Variants in SND1 observed in about 807,000 individuals in gnomAD.
The protein encoded by SND1 is staphylococcal nuclease domain-containing protein 1.
In SND1, 38 loss-of-function variants were observed where a neutral mutation model predicts 121.7. That is an observed-to-expected ratio of 0.31 (90% CI 0.24 to 0.41). The LOEUF is 0.41. Among genes scored for constraint, SND1 ranks in the 10% least tolerant of loss-of-function variants. The pLI is 1.00. For missense variants in SND1, 868 were observed against 1,184.6 expected, an observed-to-expected ratio of 0.73 and a Z score of 3.92; for synonymous variants, 401 against 447.4, an observed-to-expected ratio of 0.90 and a Z score of 1.31.
At chr7:127,985,439 G>T (rs535179352) in intron 15 of SND1, among the ~76,000 whole-genome samples, 1 of 152,274 alleles carries the variant, frequency 6.6e-6, no homozygotes, top group East Asian at 1.9e-4. Flanking sequence ...TGTATTTTTA[G>T]TAGAGGCGGG....
At chr7:127,878,995 C>T (rs992879878) in intron 12 of SND1, among the ~76,000 whole-genome samples, 7 of 152,030 alleles carry the variant, frequency 4.6e-5, no homozygotes, top group Non-Finnish European at 1.0e-4. Flanking sequence ...GGAATTCAAC[C>T]AGTGAAGACT....
intron 12 of SND1, among the ~76,000 whole-genome samples, chr7:127,857,065 A>G (rs1229336336): frequency 2.0e-5 from 3 of 152,256 alleles, no homozygotes. Flanking sequence ...TCCAAAGAGA[A>G]GGAGAGAATT....
intron 18 of SND1, chr7:128,081,773 C>A: frequency 1.1e-5 from 7 of 623,642 alleles, no homozygotes; most frequent in South Asian, 8.6e-5. Context: ...GGTGAGATAA[C>A]CAGGTTTATC....
intron 1 of SND1, among the ~76,000 whole-genome samples, chr7:127,678,709 A>T (rs1311537799): frequency 6.6e-6 from 1 of 152,206 alleles, no homozygotes; most frequent in Non-Finnish European, 1.5e-5. Context: ...ATGACTTTTT[A>T]ATTTTCAAGA....
At chr7:127,889,863 T>A (rs1799978285) in intron 13 of SND1, among the ~76,000 whole-genome samples, 2 of 152,134 alleles carry the variant, frequency 1.3e-5, no homozygotes, top group South Asian at 4.1e-4. Flanking sequence ...TCTCATTCTT[T>A]TTTAATGGCT....
chr7:127,867,020 A>G (rs1045141422), intron 12 of SND1, among the ~76,000 whole-genome samples: 5 of 151,992 alleles, frequency 3.3e-5, no homozygotes, highest in Non-Finnish European at 5.9e-5. Flanking sequence ...TCTCTTTTTA[A>G]CTAGTGTTAT....
chr7:128,057,653 C>G (rs1222397938), intron 16 of SND1, among the ~76,000 whole-genome samples: 1 of 152,114 alleles, frequency 6.6e-6, no homozygotes, highest in African/African-American at 2.4e-5. Flanking sequence ...CCTAGAAGTC[C>G]CACCAAGAAA....
intron 9 of SND1, among the ~76,000 whole-genome samples, chr7:127,718,051 T>C (rs1214794055): frequency 6.6e-6 from 1 of 152,172 alleles, no homozygotes; most frequent in Non-Finnish European, 1.5e-5. Flanking sequence ...TTTCCTTTTA[T>C]GATTGGGCTT....
intron 16 of SND1, among the ~76,000 whole-genome samples, chr7:128,066,160 G>A (rs1793310147): frequency 6.6e-6 from 1 of 152,208 alleles, no homozygotes; most frequent in Non-Finnish European, 1.5e-5. Flanking sequence ...GCCTCAGGCA[G>A]GACCGAAGCT....
chr7:127,701,110 G>A lies in SND1; in HGVS notation c.429-53G>A, dbSNP rs553501367. The A allele has an allele frequency of 2.0e-4, 311 of 1,590,590 alleles. No homozygotes were observed. The African/African-American group carries it at 3.3e-3, about 17-fold the overall frequency. On this transcript the variant is annotated intron_variant, in intron 4 of 23. Transcript: ENST00000354725. Reference sequence around the variant, plus strand: ...AAGAAAACCTATATCAGAGAGCCTCGTATTTCTGTTTGTGAACTCACTAAC... The same window carrying A: ...AAGAAAACCTATATCAGAGAGCCTCATATTTCTGTTTGTGAACTCACTAAC...
At chr7:127,911,324 CTT>C (rs1036927344) in intron 14 of SND1, among the ~76,000 whole-genome samples, 36 of 152,288 alleles carry the variant, frequency 2.4e-4, no homozygotes, top group African/African-American at 8.7e-4. Flanking sequence ...TTGGAAAAAA[CTT>C]CAAACTCTTT....
At chr7:128,022,983 C>T (rs1803392313) in intron 16 of SND1, among the ~76,000 whole-genome samples, 1 of 152,154 alleles carries the variant, frequency 6.6e-6, no homozygotes, top group African/African-American at 2.4e-5. Flanking sequence ...ATTCTTTCTT[C>T]GCCTCTCTTG....
At chr7:127,975,885 G>A (rs553626302) in intron 15 of SND1, among the ~76,000 whole-genome samples, 22 of 152,296 alleles carry the variant, frequency 1.4e-4, no homozygotes, top group African/African-American at 5.1e-4. Flanking sequence ...AGGCAGGTCC[G>A]GCTCCATTCA....
chr7:128,011,812 T>A (rs1563088329), intron 16 of SND1, among the ~76,000 whole-genome samples: 1 of 152,210 alleles, frequency 6.6e-6, no homozygotes, highest in Admixed American at 6.5e-5. Flanking sequence ...ATGAAGTGTT[T>A]AAGGTTGAAA....
At chr7:128,019,698 T>C (rs1282387636) in intron 16 of SND1, among the ~76,000 whole-genome samples, 1 of 152,250 alleles carries the variant, frequency 6.6e-6, no homozygotes, top group African/African-American at 2.4e-5. Context: ...TTTAGAATGT[T>C]TCTATTGGGA....
rs192055323 is a variant in SND1, at chr7:128,048,764, G to T, written c.1780-25738G>T. On this transcript the variant is annotated intron_variant, in intron 16 of 23. Transcript: ENST00000354725. ...ACAGGGAGCTCTCAAGTGATGCAGG[G>T]TATATGTGTATCATCCCTGCTGCTG... Among the ~76,000 whole-genome samples the T allele has an allele frequency of 2.5e-4, 38 of 152,252 alleles. No homozygotes were observed. In the East Asian group the frequency reaches 3.9e-3, roughly 15 times the overall value.
At chr7:127,916,081 G>A (rs903094003) in intron 14 of SND1, among the ~76,000 whole-genome samples, 5 of 149,922 alleles carry the variant, frequency 3.3e-5, no homozygotes, top group African/African-American at 9.8e-5. Context: ...GAGAGAGTTA[G>A]CTAGGTATAT....
intron 10 of SND1, among the ~76,000 whole-genome samples, chr7:127,731,439 C>T (rs951436097): frequency 1.3e-5 from 2 of 152,198 alleles, no homozygotes; most frequent in Non-Finnish European, 2.9e-5. Flanking sequence ...TCAACGTAGC[C>T]GGCTCAACGT....
chr7:127,982,616 A>G (rs1277965718), intron 15 of SND1, among the ~76,000 whole-genome samples: 3 of 152,246 alleles, frequency 2.0e-5, no homozygotes, highest in Non-Finnish European at 4.4e-5. Context: ...TTTTACTTCT[A>G]AACCTTTTAG....
Sources: allele counts gnomAD v4.1 joint callset (sites outside exome capture counted in the v4.1 genomes callset), GRCh38; gene constraint gnomAD v4.1.1; transcripts MANE v1.5; gene names NCBI Gene and HGNC (gene_info 2026-07-23, HGNC 2026-07-21).